EYS: variants seen among roughly 807,000 people sequenced by gnomAD.
EYS encodes EGF-like photoreceptor maintenance factor, also known as protein eyes shut homolog.
Under a neutral mutation model 282.1 loss-of-function variants are expected in EYS, and 250 were observed. That is an observed-to-expected ratio of 0.89 (90% CI 0.80 to 0.98). EYS has a LOEUF of 0.98. Ranked by LOEUF, EYS falls within the 50% of genes least tolerant of loss-of-function variation. EYS has a pLI of 0.00. For missense variants in EYS, 4,016 were observed against 3,709.0 expected, an observed-to-expected ratio of 1.08 and a Z score of -2.15; for synonymous variants, 1,355 against 1,282.9, an observed-to-expected ratio of 1.06 and a Z score of -1.20.
intron 12 of EYS, among the ~76,000 whole-genome samples, chr6:65,103,436 GA>G (rs1310109947): frequency 6.6e-6 from 1 of 151,336 alleles, no homozygotes; most frequent in African/African-American, 2.4e-5. Context: ...CTGGACCTAA[GA>G]GTGTTCTTTC....
intron 11 of EYS, among the ~76,000 whole-genome samples, chr6:65,313,287 C>T (rs1449626508): frequency 1.3e-5 from 2 of 151,730 alleles, no homozygotes; most frequent in Admixed American, 1.3e-4. Flanking sequence ...CAAATGTTGA[C>T]AGCTCCCTAG....
intron 2 of EYS, among the ~76,000 whole-genome samples, chr6:65,574,202 G>T (rs1764578411): frequency 1.3e-5 from 2 of 152,230 alleles, no homozygotes; most frequent in Middle Eastern, 3.4e-3. Flanking sequence ...CACCTCTAGT[G>T]GGACCCTAAA....
intron 11 of EYS, among the ~76,000 whole-genome samples, chr6:65,313,562 A>T (rs2882472): frequency 0.97 from 142,083 of 146,222 alleles, 69,186 homozygotes; most frequent in East Asian, 1. Flanking sequence ...GCCAAAAATC[A>T]TGGAGTCATT....
intron 31 of EYS, among the ~76,000 whole-genome samples, chr6:64,203,467 GCT>G (rs1765524511): frequency 6.6e-6 from 1 of 152,164 alleles, no homozygotes; most frequent in Admixed American, 6.5e-5. Flanking sequence ...GTCAAGGGAA[GCT>G]TTTGTTCTTG....
chr6:63,826,607 C>T (rs377320327), intron 36 of EYS, among the ~76,000 whole-genome samples: 1 of 152,128 alleles, frequency 6.6e-6, no homozygotes. Context: ...TCAAACAAAA[C>T]AATTATCAGC....
chr6:65,080,727 A>C (rs1774209553), intron 12 of EYS, among the ~76,000 whole-genome samples: 1 of 152,142 alleles, frequency 6.6e-6, no homozygotes, highest in Non-Finnish European at 1.5e-5. Flanking sequence ...ATTTAAAAAA[A>C]AAGAAATGAA....
chr6:64,933,420 A>C (rs1768795087), intron 15 of EYS, among the ~76,000 whole-genome samples: 1 of 152,174 alleles, frequency 6.6e-6, no homozygotes, highest in Admixed American at 6.5e-5. Flanking sequence ...AATGCAAATC[A>C]AAACCACAAT....
At chr6:65,691,781 T>G (rs9445566) in intron 1 of EYS, among the ~76,000 whole-genome samples, 120,805 of 149,738 alleles carry the variant, frequency 0.81, 49,778 homozygotes, top group Non-Finnish European at 0.83. Context: ...ATGGGGTCCA[T>G]TTTCAGCTTT....
At chr6:65,214,506 T>G (rs2150254463) in intron 12 of EYS, among the ~76,000 whole-genome samples, 1 of 152,240 alleles carries the variant, frequency 6.6e-6, no homozygotes, top group East Asian at 1.9e-4. Flanking sequence ...AAGTTGGATC[T>G]TAAGGTTTAA....
intron 22 of EYS, among the ~76,000 whole-genome samples, chr6:64,686,781 ATATATATGTGTGTATATATATATG>A (rs1770132124): frequency 6.1e-5 from 1 of 16,280 alleles, no homozygotes; most frequent in African/African-American, 1.0e-4. Flanking sequence ...ATATATATAT[ATATATATGTGTGTATATATATATG>A]TGTGTATATA....
At chr6:63,959,361 A>T (rs1446922351) in intron 35 of EYS, among the ~76,000 whole-genome samples, 1 of 152,200 alleles carries the variant, frequency 6.6e-6, no homozygotes, top group Non-Finnish European at 1.5e-5. Flanking sequence ...GTCAAGAAAC[A>T]ATAGATGCTG....
At chr6:64,035,831 A>T (rs1427844640) in intron 33 of EYS, among the ~76,000 whole-genome samples, 1 of 152,196 alleles carries the variant, frequency 6.6e-6, no homozygotes, top group African/African-American at 2.4e-5. Context: ...TTTTAACCTT[A>T]TATAAGAAAG....
At position 65,662,129 on chromosome 6, in the gene EYS, TA is replaced by T. The variant is rs879752675; in HGVS notation, c.-447-22238del. Among the ~76,000 whole-genome samples the T allele has an allele frequency of 3.3e-3, 495 of 150,302 alleles. 1 individual carries two copies. Among genetic ancestry groups the T allele is most frequent in the African/African-American group, 0.011 (453 of 40,998 alleles). ...GTTAAGGATAAATTAAGGTTAAGGA[TA>T]AAAAAAAAGGCAAAAGTAAATAAAT... On this transcript the variant is annotated intron_variant, in intron 1 of 42. Coordinates refer to ENST00000503581, the MANE Select transcript of EYS (RefSeq NM_001142800.2).
intron 12 of EYS, among the ~76,000 whole-genome samples, chr6:65,137,016 T>C (rs1455323198): frequency 6.6e-6 from 1 of 152,080 alleles, no homozygotes; most frequent in African/African-American, 2.4e-5. Flanking sequence ...AACTTTTATA[T>C]TGAGTACTAA....
intron 28 of EYS, among the ~76,000 whole-genome samples, chr6:64,425,699 G>T (rs1774385280): frequency 6.7e-6 from 1 of 150,352 alleles, no homozygotes. Flanking sequence ...GACCAGAATG[G>T]TTTCAGAGGT....
intron 26 of EYS, among the ~76,000 whole-genome samples, chr6:64,561,381 A>C (rs561142605): frequency 6.6e-6 from 1 of 152,292 alleles, no homozygotes; most frequent in Admixed American, 6.5e-5. Flanking sequence ...GAGAAAGTCA[A>C]ACTATCTCTG....
chr6:65,686,045 TC>T (rs1170983972), intron 1 of EYS, among the ~76,000 whole-genome samples: 2 of 152,024 alleles, frequency 1.3e-5, no homozygotes, highest in African/African-American at 4.8e-5. Flanking sequence ...CAGGAATTGT[TC>T]TACCTGAAGA....
intron 30 of EYS, among the ~76,000 whole-genome samples, chr6:64,295,111 A>G (rs1254930893): frequency 2.0e-5 from 3 of 151,584 alleles, no homozygotes; most frequent in African/African-American, 7.3e-5. Context: ...ACGGTGGCTC[A>G]CGCCTGTAAC....
intron 37 of EYS, among the ~76,000 whole-genome samples, chr6:63,799,388 G>C (rs959603372): frequency 1.3e-5 from 2 of 151,926 alleles, no homozygotes; most frequent in African/African-American, 2.4e-5. Flanking sequence ...ATATTTCAAT[G>C]ATTCAAACAG....
Sources: allele counts gnomAD v4.1 joint callset (sites outside exome capture counted in the v4.1 genomes callset), GRCh38; gene constraint gnomAD v4.1.1; transcripts MANE v1.5; gene names NCBI Gene and HGNC (gene_info 2026-07-23, HGNC 2026-07-21).